Variants in MTUS2 observed in about 807,000 individuals in gnomAD.
MTUS2 encodes the protein microtubule-associated tumor suppressor candidate 2.
In MTUS2, 40 loss-of-function variants were observed where a neutral mutation model predicts 114.1. The ratio of observed to expected loss-of-function variants is 0.35; its 90% CI spans 0.27 to 0.46. The LOEUF (loss-of-function observed/expected upper bound fraction) is 0.46. Among genes scored for constraint, MTUS2 ranks in the 20% least tolerant of loss-of-function variants. MTUS2 has a pLI of 1.00. For synonymous variants in MTUS2, 688 were observed against 672.0 expected (o/e 1.02, Z -0.37); for missense variants, 1,679 against 1,705.4 (o/e 0.98, Z 0.27).
In MTUS2 at chr13:28,965,625, T is replaced by G. The variant is rs113661601; in HGVS notation, c.-242-58832T>G. Among the ~76,000 whole-genome samples, 632 of 152,186 alleles carry G rather than the reference T, an allele frequency of 4.2e-3. 8 individuals carry two copies. Among genetic ancestry groups the G allele is most frequent in the African/African-American group, 0.015 (609 of 41,506 alleles). On this transcript the variant is annotated intron_variant, in intron 2 of 15. Coordinates refer to ENST00000612955, the MANE Select transcript of MTUS2 (RefSeq NM_001033602.4). ...ATATATACATATATGTGTGTGTGTG[T>G]ATATATATGATAAGAGAGGTTTATT...
intron 5 of MTUS2, among the ~76,000 whole-genome samples, chr13:29,248,749 T>C (rs560945256): frequency 5.3e-5 from 8 of 152,354 alleles, no homozygotes; most frequent in Non-Finnish European, 1.2e-4. Flanking sequence ...GTTCCTGTGT[T>C]AGTTTGCTGA....
chr13:28,824,631 T>A (rs1276520263), intron 1 of MTUS2, among the ~76,000 whole-genome samples: 1 of 152,112 alleles, frequency 6.6e-6, no homozygotes, highest in African/African-American at 2.4e-5. Flanking sequence ...TTGTACTGGG[T>A]AAAATCTGTC....
At chr13:29,307,015 C>A in intron 6 of MTUS2, 1 of 531,190 alleles carries the variant, frequency 1.9e-6, no homozygotes, top group South Asian at 1.5e-5. Flanking sequence ...CTTCCAGGAG[C>A]GAGATCCCTC....
intron 6 of MTUS2, among the ~76,000 whole-genome samples, chr13:29,323,536 C>T (rs1054605229): frequency 6.6e-5 from 10 of 152,132 alleles, no homozygotes; most frequent in African/African-American, 2.4e-4. Flanking sequence ...AGGCGTGAGC[C>T]ACCACGCCCA....
chr13:29,245,035 A>G (rs1269393180), intron 5 of MTUS2, among the ~76,000 whole-genome samples: 1 of 149,368 alleles, frequency 6.7e-6, no homozygotes, highest in Non-Finnish European at 1.5e-5. Context: ...AGGGTATTGG[A>G]TGTATCATTT....
chr13:29,152,271 T>C (rs1415536642), intron 5 of MTUS2, among the ~76,000 whole-genome samples: 1 of 152,180 alleles, frequency 6.6e-6, no homozygotes, highest in Non-Finnish European at 1.5e-5. Flanking sequence ...CCTAAACATA[T>C]GCTAAAAGTT....
intron 5 of MTUS2, among the ~76,000 whole-genome samples, chr13:29,114,174 A>C (rs1000743974): frequency 6.6e-6 from 1 of 151,960 alleles, no homozygotes; most frequent in Non-Finnish European, 1.5e-5. Flanking sequence ...TTTTAAATAA[A>C]TTACCCAGTC....
rs555078101 is a variant in MTUS2, at chr13:29,036,962, G to C, written c.2446+2837G>C. On this transcript the variant is annotated intron_variant, in intron 4 of 15. Transcript: ENST00000612955. Reference sequence around the variant, plus strand: ...CACTGATGGGTCTTGATTCTTTATCGAATTTGCCAGTCTGTGTCTTTTAAG... The same window carrying C: ...CACTGATGGGTCTTGATTCTTTATCCAATTTGCCAGTCTGTGTCTTTTAAG... Among the ~76,000 whole-genome samples, 336 of 151,910 alleles carry C rather than the reference G, an allele frequency of 2.2e-3. 1 individual carries two copies. Among genetic ancestry groups the C allele is most frequent in the African/African-American group, 7.8e-3 (323 of 41,454 alleles).
intron 3 of MTUS2, among the ~76,000 whole-genome samples, chr13:29,031,894 A>C (rs2138513400): frequency 6.6e-6 from 1 of 152,172 alleles, no homozygotes; most frequent in East Asian, 1.9e-4. Flanking sequence ...AGTGCAGGGC[A>C]AATAGGAAGA....
At chr13:29,404,192 AG>A (rs1365230019) in intron 8 of MTUS2, among the ~76,000 whole-genome samples, 2,680 of 150,020 alleles carry the variant, frequency 0.018, 74 homozygotes, top group African/African-American at 0.062. Flanking sequence ...AAAAAAAAAA[AG>A]TACAAAAATT....
intron 5 of MTUS2, among the ~76,000 whole-genome samples, chr13:29,234,893 A>C (rs982916041): frequency 2.0e-5 from 3 of 152,028 alleles, no homozygotes; most frequent in African/African-American, 7.2e-5. Context: ...TTTTCAGTTA[A>C]ATTTATATAC....
chr13:28,866,598 C>A (rs935330811), intron 2 of MTUS2, among the ~76,000 whole-genome samples: 32 of 152,134 alleles, frequency 2.1e-4, no homozygotes, highest in African/African-American at 7.2e-4. Flanking sequence ...TAAATACTTA[C>A]ATTTATTATG....
chr13:29,272,796 T>A (rs1332197880), intron 5 of MTUS2, among the ~76,000 whole-genome samples: 3 of 152,232 alleles, frequency 2.0e-5, no homozygotes, highest in African/African-American at 7.2e-5. Flanking sequence ...GTCTTAGTTT[T>A]CTTTGTGCTG....
chr13:29,403,033 C>CTGTAGTTTTTAGTTGCAG (rs1874467597), intron 8 of MTUS2, among the ~76,000 whole-genome samples: 1 of 152,208 alleles, frequency 6.6e-6, no homozygotes, highest in Non-Finnish European at 1.5e-5. Context: ...CCGCGCCCAG[C>CTGTAGTTTTTAGTTGCAG]CCCAGTACTT....
At chr13:28,900,263 T>G (rs746474148) in intron 2 of MTUS2, among the ~76,000 whole-genome samples, 9 of 152,206 alleles carry the variant, frequency 5.9e-5, no homozygotes, top group Non-Finnish European at 1.2e-4. Context: ...TCCACTTACC[T>G]TGTTCAGATT....
chr13:29,439,950 G>T, intron 8 of MTUS2, 33 bp from the exon 9 acceptor site: 1 of 1,525,732 alleles, frequency 6.6e-7, no homozygotes, highest in East Asian at 2.4e-5. Context: ...CATAAAACTA[G>T]GGGACTCTCG....
At chr13:29,116,548 G>C (rs566018448) in intron 5 of MTUS2, among the ~76,000 whole-genome samples, 1 of 152,046 alleles carries the variant, frequency 6.6e-6, no homozygotes, top group Admixed American at 6.5e-5. Context: ...ACATACCTAG[G>C]ATCAAGTATG....
chr13:29,036,161 G>GA, intron 4 of MTUS2, among the ~76,000 whole-genome samples: 1 of 125,982 alleles, frequency 7.9e-6, no homozygotes, highest in Non-Finnish European at 1.6e-5. Flanking sequence ...AAAAAAGAAA[G>GA]AAAAATAAAA....
At chr13:28,823,499 C>G (rs1012815868) in intron 1 of MTUS2, among the ~76,000 whole-genome samples, 1 of 152,196 alleles carries the variant, frequency 6.6e-6, no homozygotes, top group Admixed American at 6.5e-5. Flanking sequence ...TATACCTTGT[C>G]TATCAATTAC....
Sources: gnomAD v4.1 joint callset for allele counts (sites outside exome capture counted in the v4.1 genomes callset) on GRCh38, gnomAD v4.1.1 for gene constraint, MANE v1.5 for transcripts, NCBI Gene and HGNC (gene_info 2026-07-23, HGNC 2026-07-21) for gene names.